DAP3: variants seen among roughly 807,000 people sequenced by gnomAD.
DAP3 encodes small ribosomal subunit protein mS29.
In DAP3, 28 loss-of-function variants were observed where a neutral mutation model predicts 51.9. The ratio of observed to expected loss-of-function variants is 0.54; its 90% confidence interval spans 0.40 to 0.74. DAP3 has a LOEUF of 0.74. Ranked by LOEUF, DAP3 falls within the 30% of genes least tolerant of loss-of-function variation. The pLI, the probability that DAP3 is intolerant of heterozygous loss-of-function variation, is 0.00. For synonymous variants in DAP3, 170 were observed against 170.3 expected, an observed-to-expected ratio of 1.00 and a Z score of 0.01; for missense variants, 458 against 483.5, an observed-to-expected ratio of 0.95 and a Z score of 0.49.
chr1:155,721,400 GTATA>G (rs58709945), intron 3 of DAP3, 113 bp from the exon 4 acceptor site: 41,314 of 428,918 alleles, frequency 0.096, 3,975 homozygotes, highest in African/African-American at 0.36. Flanking sequence ...ATGTATGTAT[GTATA>G]TATATATATA....
intron 3 of DAP3, among the ~76,000 whole-genome samples, chr1:155,719,542 A>ATTTTCT (rs1657747370): frequency 7.2e-6 from 1 of 138,100 alleles, no homozygotes. Context: ...AGCCAAAAAA[A>ATTTTCT]TTTTCTTTTT....
intron 11 of DAP3, among the ~76,000 whole-genome samples, chr1:155,732,553 TA>T (rs1170310887): frequency 6.6e-6 from 1 of 152,060 alleles, no homozygotes; most frequent in Non-Finnish European, 1.5e-5. Context: ...TGTCTCCAAA[TA>T]ATGTCTCATT....
intron 2 of DAP3, among the ~76,000 whole-genome samples, chr1:155,712,057 T>G (rs572395068): frequency 4.6e-5 from 7 of 151,856 alleles, no homozygotes; most frequent in Admixed American, 3.9e-4. Flanking sequence ...CCCAGTCCAC[T>G]GACTCAAATG....
rs1653721142 is a variant in DAP3, at chr1:155,690,930, C to CG, written c.-8+1758dup. 1.4e-5 allele frequency among the ~76,000 whole-genome samples: 2 copies of CG among 141,262 alleles called. 1 individual carries two copies. Among genetic ancestry groups the CG allele is most frequent in the African/African-American group, 6.5e-5 (2 of 30,956 alleles). The allele number at this position is 141,262 out of a possible 152,430, so 92.7% of individuals were successfully genotyped here. A position where few individuals can be genotyped will look rare whatever the true frequency, so the allele number is the denominator to read the frequency against. ...AATTTATTTTATTTTTTTTTTGAGA[C>CG]GGAGTCTCGCTCTGTCACCCAGGCT... On this transcript the variant is annotated intron_variant, in intron 1 of 12. Transcript: ENST00000368336.
chr1:155,731,900 C>T (rs748960234), intron 10 of DAP3, 44 bp from the exon 11 acceptor site: 1 of 1,540,448 alleles, frequency 6.5e-7, no homozygotes, highest in Non-Finnish European at 8.8e-7. Flanking sequence ...AGTTTTCCAT[C>T]CTTTTTAACT....
chr1:155,715,618 T>G (rs1424081783), intron 2 of DAP3, among the ~76,000 whole-genome samples: 1 of 152,206 alleles, frequency 6.6e-6, no homozygotes, highest in Non-Finnish European at 1.5e-5. Flanking sequence ...GCAACTCCCT[T>G]ATTACACTAT....
chr1:155,698,426 C>T (rs1282682866), intron 1 of DAP3, among the ~76,000 whole-genome samples: 1 of 152,198 alleles, frequency 6.6e-6, no homozygotes, highest in Non-Finnish European at 1.5e-5. Flanking sequence ...GCCGGTCCCT[C>T]TGTTTGGGGT....
chr1:155,701,002 TG>T (rs1241005259), intron 1 of DAP3, among the ~76,000 whole-genome samples: 2 of 92,046 alleles, frequency 2.2e-5, no homozygotes, highest in East Asian at 3.6e-4. Flanking sequence ...GGGAGGGAGG[TG>T]GGGGGGTCAG....
At chr1:155,718,708 A>G (rs948549419) in intron 3 of DAP3, among the ~76,000 whole-genome samples, 2 of 79,728 alleles carry the variant, frequency 2.5e-5, no homozygotes, top group Non-Finnish European at 5.9e-5. Flanking sequence ...AGAAAGAAAG[A>G]TAGATAGATA....
intron 1 of DAP3, 82 bp from the exon 2 acceptor site, chr1:155,709,691 T>A: frequency 2.5e-6 from 3 of 1,180,376 alleles, no homozygotes; most frequent in Non-Finnish European, 3.7e-6. Context: ...TAATCCCTAT[T>A]AATCTATTGT....
At chr1:155,692,323 A>G (rs1653931909) in intron 1 of DAP3, among the ~76,000 whole-genome samples, 1 of 141,504 alleles carries the variant, frequency 7.1e-6, no homozygotes. Flanking sequence ...TTACTGTCCC[A>G]TGTTTTTATG....
chr1:155,729,549 G>A (rs1248658873), intron 9 of DAP3, among the ~76,000 whole-genome samples, 183 bp downstream of exon 9: 1 of 152,208 alleles, frequency 6.6e-6, no homozygotes, highest in Non-Finnish European at 1.5e-5. Context: ...CGAGGCTGAG[G>A]TGGGAGGATC....
At chr1:155,693,843 C>T (rs755835953) in intron 1 of DAP3, among the ~76,000 whole-genome samples, 4 of 141,234 alleles carry the variant, frequency 2.8e-5, no homozygotes, top group Non-Finnish European at 4.4e-5. Flanking sequence ...TGCCTGTAAT[C>T]GCAGCTACTT....
At chr1:155,695,865 C>A (rs1484425080) in intron 1 of DAP3, among the ~76,000 whole-genome samples, 1 of 152,146 alleles carries the variant, frequency 6.6e-6, no homozygotes. Context: ...ACAATCATGG[C>A]TCCTTCCAAA....
upstream of DAP3, chr1:155,688,381 G>A (rs1571387000): frequency 5.8e-6 from 9 of 1,543,732 alleles, no homozygotes; most frequent in Non-Finnish European, 7.0e-6. Flanking sequence ...GGGAGCTAAG[G>A]GCGCCTAGCG....
At chr1:155,727,523 C>A in intron 6 of DAP3, 85 bp from the exon 7 acceptor site, 1 of 1,416,132 alleles carries the variant, frequency 7.1e-7, no homozygotes, top group Non-Finnish European at 9.5e-7. Context: ...AAAGTCATTT[C>A]CCATAACTTA....
At chr1:155,693,576 C>T (rs1392522441) in intron 1 of DAP3, among the ~76,000 whole-genome samples, 1 of 142,010 alleles carries the variant, frequency 7.0e-6, no homozygotes, top group South Asian at 2.1e-4. Flanking sequence ...ATCTATCATT[C>T]TGATTGGTAC....
At chr1:155,724,546 T>C (rs1658350626) in intron 4 of DAP3, among the ~76,000 whole-genome samples, 1 of 150,844 alleles carries the variant, frequency 6.6e-6, no homozygotes, top group South Asian at 2.1e-4. Context: ...GGCAGAAGAA[T>C]TGCTTGAACC....
intron 1 of DAP3, among the ~76,000 whole-genome samples, chr1:155,697,191 C>T (rs1225726898): frequency 6.6e-6 from 1 of 152,116 alleles, no homozygotes; most frequent in Non-Finnish European, 1.5e-5. Flanking sequence ...TGCTTCTTCA[C>T]CATAGTGAAC....
Sources: gnomAD v4.1 joint callset for allele counts (sites outside exome capture counted in the v4.1 genomes callset) on GRCh38, gnomAD v4.1.1 for gene constraint, MANE v1.5 for transcripts, NCBI Gene and HGNC (gene_info 2026-07-23, HGNC 2026-07-21) for gene names.